MTUS1: variants seen among roughly 807,000 people sequenced by gnomAD.
The protein encoded by MTUS1 is microtubule-associated tumor suppressor 1.
A neutral mutation model predicts 120.8 loss-of-function variants in MTUS1; 109 were observed. The ratio of observed to expected loss-of-function variants is 0.90; its 90% confidence interval spans 0.77 to 1.06. The LOEUF is 1.06. MTUS1 is among the 50% of genes least tolerant of loss of function. MTUS1 has a pLI of 0.00. For missense variants in MTUS1, 2,210 were observed against 1,486.3 expected, an observed-to-expected ratio of 1.49 and a Z score of -8.01; for synonymous variants, 737 against 550.5, an observed-to-expected ratio of 1.34 and a Z score of -4.74.
intron 4 of MTUS1, among the ~76,000 whole-genome samples, chr8:17,718,111 T>C (rs1015656816): frequency 3.3e-5 from 5 of 152,220 alleles, no homozygotes; most frequent in Admixed American, 6.5e-5. Flanking sequence ...CTACTTACTG[T>C]ACTCTAGGCT....
intron 6 of MTUS1, among the ~76,000 whole-genome samples, chr8:17,694,593 G>A (rs1283524634): frequency 6.6e-6 from 1 of 152,022 alleles, no homozygotes; most frequent in Non-Finnish European, 1.5e-5. Context: ...GCTTGAACCT[G>A]GGAGGCGGAG....
At chr8:17,733,307 T>C (rs1245233871) in intron 3 of MTUS1, among the ~76,000 whole-genome samples, 1 of 150,822 alleles carries the variant, frequency 6.6e-6, no homozygotes, top group Non-Finnish European at 1.5e-5. Context: ...GCCAAGATCA[T>C]GCCATTGCAC....
At chr8:17,762,528 G>C (rs1379595753) in intron 1 of MTUS1, among the ~76,000 whole-genome samples, 1 of 152,080 alleles carries the variant, frequency 6.6e-6, no homozygotes, top group African/African-American at 2.4e-5. Context: ...AACGGAGCAT[G>C]TCTACCACCT....
At chr8:17,655,664 C>T (rs1585429717) in intron 9 of MTUS1, among the ~76,000 whole-genome samples, 199 bp downstream of exon 9, 1 of 151,996 alleles carries the variant, frequency 6.6e-6, no homozygotes, top group African/African-American at 2.4e-5. Flanking sequence ...GCAGAGGCTG[C>T]AGTGAGCCAA....
intron 3 of MTUS1, among the ~76,000 whole-genome samples, chr8:17,737,172 A>C (rs980910553): frequency 6.6e-6 from 1 of 152,232 alleles, no homozygotes; most frequent in Non-Finnish European, 1.5e-5. Flanking sequence ...CTGTGGGGCC[A>C]GAACACCCGG....
intron 1 of MTUS1, among the ~76,000 whole-genome samples, chr8:17,765,781 T>C (rs1255283109): frequency 6.6e-6 from 1 of 151,046 alleles, no homozygotes; most frequent in Admixed American, 6.6e-5. Context: ...ACAGGTCAAC[T>C]CAATTCAAGG....
chr8:17,774,971 T>TA (rs76567642), intron 1 of MTUS1, among the ~76,000 whole-genome samples: 25,181 of 96,926 alleles, frequency 0.26, 3,386 homozygotes, highest in African/African-American at 0.36. Flanking sequence ...ATATTATAAG[T>TA]AAAAAAAAAA....
At chr8:17,696,080 T>G (rs181460116) in intron 6 of MTUS1, among the ~76,000 whole-genome samples, 102 of 152,308 alleles carry the variant, frequency 6.7e-4, no homozygotes, top group Middle Eastern at 6.8e-3. Flanking sequence ...CTTTGTTATT[T>G]TTCCCCCCTA....
At chr8:17,679,375 G>A (rs1012466858) in intron 7 of MTUS1, among the ~76,000 whole-genome samples, 3 of 150,604 alleles carry the variant, frequency 2.0e-5, no homozygotes, top group African/African-American at 7.4e-5. Context: ...GTGTGTGTGT[G>A]TGTATAAACA....
Position 17,656,009 on chromosome 8 carries a change from CTGTT to C in MTUS1, c.2958_2961del (p.Thr987CysfsTer53), listed in dbSNP as rs764227364. On this transcript the variant is annotated frameshift_variant, in exon 9 of 15. Transcript: ENST00000693296. LOFTEE classifies it high-confidence loss of function. ...TGCTGCTGGACGAATGCTTCATACA[CTGTT>C]TGTAACTCATTCCTGGCTTTTTCTA... 99 of 1,614,110 alleles carry C rather than the reference CTGTT, an allele frequency of 6.1e-5. No homozygotes were observed. The highest frequency in any genetic ancestry group is 8.1e-5 in the Non-Finnish European group (95 of 1,180,056).
chr8:17,704,659 A>G (rs540198971), intron 6 of MTUS1, among the ~76,000 whole-genome samples: 57 of 152,270 alleles, frequency 3.7e-4, no homozygotes, highest in African/African-American at 1.3e-3. Flanking sequence ...ATACTCTTTT[A>G]ATTACTGTGT....
At chr8:17,745,334 T>C (rs1386655275) in intron 2 of MTUS1, among the ~76,000 whole-genome samples, 2 of 152,234 alleles carry the variant, frequency 1.3e-5, no homozygotes, top group Non-Finnish European at 2.9e-5. Flanking sequence ...TCCTCCCATA[T>C]ACTGTAAATC....
chr8:17,758,223 G>A (rs1287154622), intron 1 of MTUS1: 1 of 152,174 alleles, frequency 6.6e-6, no homozygotes, highest in Non-Finnish European at 1.5e-5. Context: ...AACCAGAATA[G>A]GAACTATGTT....
In MTUS1 at chr8:17,749,036, C is replaced by A. The variant is rs574988960; in HGVS notation, c.2091+4681G>T. 2.6e-5 allele frequency among the ~76,000 whole-genome samples: 4 copies of A among 152,208 alleles called. No individual in the cohort carries two copies. The East Asian group carries it at 7.7e-4, about 29-fold the overall frequency. On this transcript the variant is annotated intron_variant, in intron 2 of 14. Coordinates refer to ENST00000693296, the MANE Select transcript of MTUS1 (RefSeq NM_001363059.2). Reference sequence around the variant, plus strand: ...AAGCCCCCCAACCATCTGAAGGGACCACTTCTCTCGGCCAAGGGCATTCCA... The same window carrying A: ...AAGCCCCCCAACCATCTGAAGGGACAACTTCTCTCGGCCAAGGGCATTCCA...
intron 1 of MTUS1, among the ~76,000 whole-genome samples, chr8:17,783,097 C>G (rs111477968): frequency 5.0e-5 from 7 of 139,742 alleles, no homozygotes; most frequent in Admixed American, 2.1e-4. Context: ...CAAACAAACA[C>G]ACACACGCCC....
intron 6 of MTUS1, among the ~76,000 whole-genome samples, chr8:17,690,348 C>G (rs1816707736): frequency 6.6e-6 from 1 of 152,194 alleles, no homozygotes; most frequent in Non-Finnish European, 1.5e-5. Context: ...CATTTCCTAT[C>G]AGCCAGAACG....
chr8:17,662,869 A>G (rs1225381602), intron 8 of MTUS1, among the ~76,000 whole-genome samples: 1 of 151,870 alleles, frequency 6.6e-6, no homozygotes, highest in Non-Finnish European at 1.5e-5. Context: ...AAAAAGGAAG[A>G]AAGGAGGAAG....
upstream of MTUS1, chr8:17,801,302 T>A (rs1021424642): frequency 6.7e-6 from 1 of 149,970 alleles, no homozygotes; most frequent in Non-Finnish European, 1.5e-5. Flanking sequence ...GGGCGGGGAG[T>A]TCGGGAAACT....
At chr8:17,676,581 A>T (rs1313294395) in intron 7 of MTUS1, 1 of 548,148 alleles carries the variant, frequency 1.8e-6, no homozygotes, top group Non-Finnish European at 3.2e-6. Flanking sequence ...ACAGCCTTTC[A>T]TTTATGAAAA....
Sources: allele counts gnomAD v4.1 joint callset (sites outside exome capture counted in the v4.1 genomes callset), GRCh38; gene constraint gnomAD v4.1.1; transcripts MANE v1.5; gene names NCBI Gene and HGNC (gene_info 2026-07-23, HGNC 2026-07-21).